PPP1R12B: variants seen among roughly 807,000 people sequenced by gnomAD.
PPP1R12B encodes protein phosphatase 1 regulatory subunit 12B.
PPP1R12B carries 76 observed loss-of-function variants against 126.1 expected under a neutral mutation model. That is an observed-to-expected ratio of 0.60 (90% CI 0.50 to 0.73). PPP1R12B has a LOEUF of 0.73. Ranked by LOEUF, PPP1R12B falls within the 30% of genes least tolerant of loss-of-function variation. The pLI is 0.00. For synonymous variants in PPP1R12B, 356 were observed against 434.7 expected, an observed-to-expected ratio of 0.82 and a Z score of 2.25; for missense variants, 1,052 against 1,205.1, an observed-to-expected ratio of 0.87 and a Z score of 1.88.
intron 18 of PPP1R12B, among the ~76,000 whole-genome samples, chr1:202,556,205 G>T (rs1455841160): frequency 1.3e-5 from 2 of 152,166 alleles, no homozygotes; most frequent in Non-Finnish European, 2.9e-5. Context: ...TTTAAAAAAT[G>T]AAAGCAGAGG....
chr1:202,460,964 A>T (rs370512025), intron 13 of PPP1R12B, among the ~76,000 whole-genome samples: 2 of 152,216 alleles, frequency 1.3e-5, no homozygotes, highest in East Asian at 3.9e-4. Context: ...GTCTCTTTGA[A>T]ATAATAGTGA....
intron 19 of PPP1R12B, among the ~76,000 whole-genome samples, chr1:202,560,785 T>C (rs1687438296): frequency 6.6e-6 from 1 of 152,168 alleles, no homozygotes; most frequent in Non-Finnish European, 1.5e-5. Flanking sequence ...TCTCTGACAA[T>C]ACCATAAAGA....
chr1:202,488,697 CA>C (rs1678469528), intron 14 of PPP1R12B, 74 bp downstream of exon 14: 2 of 1,266,576 alleles, frequency 1.6e-6, no homozygotes, highest in South Asian at 2.6e-5. Context: ...AAACACACTG[CA>C]ATATCCATGT....
chr1:202,451,161 A>AT (rs1271601943), intron 13 of PPP1R12B, among the ~76,000 whole-genome samples: 26 of 149,708 alleles, frequency 1.7e-4, no homozygotes, highest in Admixed American at 1.7e-3. Context: ...TGATTTATTT[A>AT]TTTTTTATTT....
rs2149049995 is a variant in PPP1R12B at position 202,585,895 on chromosome 1, GT to G, written c.*5338del. ...AGGAAATAGACCTGCTGCTTCATAG[GT>G]TTCCTCAACCACCTTTCCTCAGCTT... On this transcript the variant is annotated 3_prime_UTR_variant, in exon 24 of 24. Transcript: ENST00000608999. The G allele has an allele frequency of 6.6e-6, 1 of 152,306 alleles. No individual in the cohort carries two copies. The highest frequency in any genetic ancestry group is 6.5e-5 in the Admixed American group (1 of 15,278). The allele number at this position is 152,306 out of a possible 1,614,324, so 9.4% of individuals were successfully genotyped here.
At chr1:202,349,999 T>G (rs1655654178) in intron 1 of PPP1R12B, among the ~76,000 whole-genome samples, 1 of 152,150 alleles carries the variant, frequency 6.6e-6, no homozygotes, top group South Asian at 2.1e-4. Flanking sequence ...AAATGGAACT[T>G]CATCAGTTAT....
At chr1:202,454,255 A>G (rs543984694) in intron 13 of PPP1R12B, among the ~76,000 whole-genome samples, 13 of 152,364 alleles carry the variant, frequency 8.5e-5, no homozygotes, top group Non-Finnish European at 1.3e-4. Flanking sequence ...GACCAGATAT[A>G]TGAATCAAAG....
Sources: gnomAD v4.1 joint callset for allele counts (sites outside exome capture counted in the v4.1 genomes callset) on GRCh38, gnomAD v4.1.1 for gene constraint, MANE v1.5 for transcripts, NCBI Gene and HGNC (gene_info 2026-07-23, HGNC 2026-07-21) for gene names.